The following PTCHD4 variants were observed in gnomAD, a reference collection of about 807,000 sequenced individuals.
PTCHD4 encodes patched domain-containing protein 4.
PTCHD4 carries 33 observed loss-of-function variants against 58.1 expected under a neutral mutation model. That is an observed-to-expected ratio of 0.57 (90% CI 0.43 to 0.76). PTCHD4 has a LOEUF of 0.76. PTCHD4 is among the 30% of genes least tolerant of loss of function. PTCHD4 has a pLI of 0.00. For synonymous variants in PTCHD4, 478 were observed against 409.6 expected (o/e 1.17, Z -2.02); for missense variants, 1,058 against 1,027.1 (o/e 1.03, Z -0.41).
chr6:48,054,418 T>G (rs1181353635), intron 3 of PTCHD4, among the ~76,000 whole-genome samples: 1 of 152,162 alleles, frequency 6.6e-6, no homozygotes, highest in Non-Finnish European at 1.5e-5. Context: ...ATATTTTGCT[T>G]TCTTAAGTTT....
Position 48,069,128 on chromosome 6 carries a change from T to C in PTCHD4, c.-171A>G, listed in dbSNP as rs1036901233. ...GCCTCGGTGTTGTAAGAAGCAGACA[T>C]GTGCCCCATAAAGGGGGGGGGGGCT... On this transcript the variant is annotated 5_prime_UTR_variant, in exon 2 of 5. It removes an upstream start codon present in the reference 5' UTR. Transcript: ENST00000339488. Among the ~76,000 whole-genome samples the C allele has an allele frequency of 3.1e-5, 3 of 98,198 alleles. No individual in the cohort carries two copies. Among genetic ancestry groups the C allele is most frequent in the African/African-American group, 4.2e-5 (1 of 23,756 alleles). 64.4% of individuals were successfully genotyped at this position (98,198 alleles called of 152,430 possible).
In PTCHD4 at chr6:47,864,942, A is replaced by G. The variant is rs1763520577; in HGVS notation, c.*13361T>C. Among the ~76,000 whole-genome samples, 1 of 151,888 alleles carries G rather than the reference A, an allele frequency of 6.6e-6. No individual in the cohort carries two copies. The highest frequency in any genetic ancestry group is 6.6e-5 in the Admixed American group (1 of 15,222). ...TACATCTTTATGGTAGAATAAAAGC[A>G]TGTGCCTTATACATAACTTTCATAG... On this transcript the variant is annotated 3_prime_UTR_variant, in exon 5 of 5. Transcript: ENST00000339488.
intron 4 of PTCHD4, among the ~76,000 whole-genome samples, chr6:47,967,805 C>T (rs1767350809): frequency 6.6e-6 from 1 of 152,196 alleles, no homozygotes; most frequent in South Asian, 2.1e-4. Context: ...CCTCACCTCT[C>T]TCAGCCTTCC....
At position 47,991,946 on chromosome 6, in the gene PTCHD4, A is replaced by G. The variant is rs1768294712; in HGVS notation, c.898+16688T>C. ...TATGAGACAACTAGAAAGCAAAAAT[A>G]AGACAATAGATCTAAATTCAATCAT... On this transcript the variant is annotated intron_variant, in intron 4 of 4. Coordinates refer to ENST00000339488, the MANE Select transcript of PTCHD4 (RefSeq NM_001384253.1). Among the ~76,000 whole-genome samples, 3 of 152,216 alleles carry G rather than the reference A, an allele frequency of 2.0e-5. No homozygotes were observed. In the South Asian group the frequency reaches 6.2e-4, roughly 32 times the overall value.
At chr6:48,046,075 T>C (rs1764027248) in intron 3 of PTCHD4, among the ~76,000 whole-genome samples, 3 of 151,828 alleles carry the variant, frequency 2.0e-5, no homozygotes, top group African/African-American at 7.2e-5. Context: ...AAAGGAAAAT[T>C]GGAGAGTAAA....
At chr6:47,899,013 T>A (rs1365878156) in intron 4 of PTCHD4, among the ~76,000 whole-genome samples, 1 of 152,200 alleles carries the variant, frequency 6.6e-6, no homozygotes, top group African/African-American at 2.4e-5. Context: ...ACACTCTTCC[T>A]TCAGGGAGAA....
At chr6:48,017,905 A>T (rs558337110) in intron 3 of PTCHD4, among the ~76,000 whole-genome samples, 28 of 152,340 alleles carry the variant, frequency 1.8e-4, no homozygotes, top group Admixed American at 5.9e-4. Flanking sequence ...TTAGAGTCCC[A>T]AACTCAACAC....
At chr6:48,020,297 C>T (rs956136045) in intron 3 of PTCHD4, among the ~76,000 whole-genome samples, 1 of 152,026 alleles carries the variant, frequency 6.6e-6, no homozygotes, top group Non-Finnish European at 1.5e-5. Context: ...TTATGGAATG[C>T]ACACTATTCT....
chr6:47,948,315 C>T (rs967230067), intron 4 of PTCHD4, among the ~76,000 whole-genome samples: 1 of 152,166 alleles, frequency 6.6e-6, no homozygotes, highest in Non-Finnish European at 1.5e-5. Context: ...TGACGAGAGG[C>T]TCTTTGCAAG....
intron 4 of PTCHD4, among the ~76,000 whole-genome samples, chr6:48,005,573 C>T (rs933807411): frequency 1.3e-5 from 2 of 152,180 alleles, no homozygotes; most frequent in African/African-American, 4.8e-5. Flanking sequence ...CACCTCACCA[C>T]CTTCATAGCA....
intron 3 of PTCHD4, among the ~76,000 whole-genome samples, chr6:48,061,956 A>T (rs543736285): frequency 6.6e-6 from 1 of 152,104 alleles, no homozygotes; most frequent in Non-Finnish European, 1.5e-5. Flanking sequence ...CAAAACTAGG[A>T]GGTTGGAATT....
chr6:47,902,320 G>C (rs1764734578), intron 4 of PTCHD4, among the ~76,000 whole-genome samples: 1 of 152,174 alleles, frequency 6.6e-6, no homozygotes, highest in Non-Finnish European at 1.5e-5. Flanking sequence ...GGAGCTTACA[G>C]TCTCACTGGG....
chr6:48,011,968 T>A (rs1366933732), intron 3 of PTCHD4, among the ~76,000 whole-genome samples: 1 of 152,204 alleles, frequency 6.6e-6, no homozygotes, highest in Non-Finnish European at 1.5e-5. Context: ...GTGTTTTGGT[T>A]ACTGTAGCCT....
chr6:48,108,693 A>T (rs1484242243), intron 1 of PTCHD4, among the ~76,000 whole-genome samples: 1 of 152,060 alleles, frequency 6.6e-6, no homozygotes, highest in Non-Finnish European at 1.5e-5. Flanking sequence ...TTATAGCCTT[A>T]TCTGCAATGA....
Position 47,863,554 on chromosome 6 carries a change from A to G in PTCHD4, c.*14749T>C, listed in dbSNP as rs1763483422. ...AGTTAAATTTGAATTTCAGAGAAAC[A>G]AGTATTTTTAGTATAGTAGATTCCA... is the stretch of plus-strand genomic sequence containing the variant. On this transcript the variant is annotated 3_prime_UTR_variant, in exon 5 of 5. Transcript: ENST00000339488. Among the ~76,000 whole-genome samples the G allele has an allele frequency of 6.6e-6, 1 of 151,996 alleles. No homozygotes were observed. Among genetic ancestry groups the G allele is most frequent in the Non-Finnish European group, 1.5e-5 (1 of 67,930 alleles).
At chr6:47,979,523 C>A (rs1767804787) in intron 4 of PTCHD4, among the ~76,000 whole-genome samples, 2 of 151,940 alleles carry the variant, frequency 1.3e-5, no homozygotes, top group Admixed American at 1.3e-4. Context: ...ATGGTAGATA[C>A]AATTCTTTCA....
chr6:48,057,009 C>T (rs1764429956), intron 3 of PTCHD4, among the ~76,000 whole-genome samples: 1 of 152,124 alleles, frequency 6.6e-6, no homozygotes, highest in Non-Finnish European at 1.5e-5. Context: ...AAAACAAAAT[C>T]TGAAATTTAA....
intron 3 of PTCHD4, among the ~76,000 whole-genome samples, chr6:48,041,728 T>C (rs1562022528): frequency 1.3e-5 from 2 of 152,028 alleles, no homozygotes; most frequent in African/African-American, 4.8e-5. Flanking sequence ...TTTTTTGTTT[T>C]ATTTTTTTAA....
chr6:48,025,765 A>G (rs1180552211), intron 3 of PTCHD4, among the ~76,000 whole-genome samples: 1 of 152,186 alleles, frequency 6.6e-6, no homozygotes, highest in African/African-American at 2.4e-5. Flanking sequence ...TAAAAATACC[A>G]ATAATAACAT....
Sources: gnomAD v4.1 joint callset for allele counts (sites outside exome capture counted in the v4.1 genomes callset) on GRCh38, gnomAD v4.1.1 for gene constraint, MANE v1.5 for transcripts, NCBI Gene and HGNC (gene_info 2026-07-23, HGNC 2026-07-21) for gene names.